The following ABCC11 variants were observed in gnomAD, a reference collection of about 807,000 sequenced individuals.
The protein encoded by ABCC11 is ATP binding cassette subfamily C member 11, also known as ATP-binding cassette sub-family C member 11.
ABCC11 carries 135 observed loss-of-function variants against 149.3 expected under a neutral mutation model. The observed-to-expected ratio is 0.90, with a 90% CI of 0.79 to 1.04. ABCC11 has a LOEUF of 1.04. ABCC11 is among the 50% of genes least tolerant of loss of function. The probability of loss-of-function intolerance (pLI) is 0.00; values close to 1 mark genes in which losing one functional copy is unlikely to be tolerated. For missense variants in ABCC11, 1,680 were observed against 1,722.1 expected (o/e 0.98, Z 0.43); for synonymous variants, 665 against 671.4 (o/e 0.99, Z 0.15).
In ABCC11 at chr16:48,222,851, T is replaced by C. The variant is rs776102015; in HGVS notation, c.544-20A>G. The C allele has an allele frequency of 4.9e-5, 78 of 1,594,176 alleles. No homozygotes were observed. The highest frequency in any genetic ancestry group is 6.1e-5 in the Non-Finnish European group (71 of 1,163,340). On this transcript the variant is annotated intron_variant, in intron 5 of 29. Coordinates refer to ENST00000356608, the MANE Select transcript of ABCC11 (RefSeq NM_001370497.1). The stretch of plus-strand genomic sequence containing the variant: ...CAATATCTACAAGGAAATGGGAGTT[T>C]GGATCATTCAGACCACCCTGCCAGA...
Position 48,167,265 on chromosome 16 carries a change from C to T in ABCC11, c.*9G>A, listed in dbSNP as rs748448566. The T allele has an allele frequency of 2.5e-6, 2 of 802,452 alleles. No individual in the cohort carries two copies. The highest frequency in any genetic ancestry group is 2.3e-6 in the Non-Finnish European group (1 of 438,380). The allele number at this position is 802,452 out of a possible 1,614,324, so 49.7% of individuals were successfully genotyped here. A position where few individuals can be genotyped will look rare whatever the true frequency, so the allele number is the denominator to read the frequency against. On this transcript the variant is annotated 3_prime_UTR_variant, in exon 30 of 30. Coordinates refer to ENST00000356608, the MANE Select transcript of ABCC11 (RefSeq NM_001370497.1). The stretch of plus-strand genomic sequence containing the variant: ...CAGCTGCCAGCCTCCATGAAGTCTC[C>T]ACATCTCCTTATCTCAGTGAAGAAG...
intron 25 of ABCC11, among the ~76,000 whole-genome samples, chr16:48,176,651 A>G (rs1190144887): frequency 6.6e-6 from 1 of 152,132 alleles, no homozygotes; most frequent in Non-Finnish European, 1.5e-5. Flanking sequence ...ATTATTCTGC[A>G]TACCACCCTG....
rs1488112758 is a variant in ABCC11, at chr16:48,166,421, G to C, written c.*853C>G. On this transcript the variant is annotated 3_prime_UTR_variant, in exon 30 of 30. Transcript: ENST00000356608. The stretch of plus-strand genomic sequence containing the variant: ...AAAGGAAAGCAGAGCTAGGAGAAGA[G>C]AAACAGAGACCTCAAAACAGGCATC... 6.6e-6 allele frequency among the ~76,000 whole-genome samples: 1 copy of C among 152,202 alleles called. No homozygotes were observed. The highest frequency in any genetic ancestry group is 1.5e-5 in the Non-Finnish European group (1 of 68,046).
rs1320492172 is a variant in ABCC11 at position 48,187,428 on chromosome 16, C to T, written c.2707-1G>A. Reference sequence around the variant, plus strand: ...AGAAACTCATGGGGCAGCGGAAAACCTGCAGGGACAAAATCAACGCAGACC... The same window carrying T: ...AGAAACTCATGGGGCAGCGGAAAACTTGCAGGGACAAAATCAACGCAGACC... On this transcript the variant is annotated splice_acceptor_variant, in intron 20 of 29. Coordinates refer to ENST00000356608, the MANE Select transcript of ABCC11 (RefSeq NM_001370497.1). LOFTEE classifies it high-confidence loss of function. 2 of 1,608,112 alleles carry T rather than the reference C, an allele frequency of 1.2e-6. No individual in the cohort carries two copies. Among genetic ancestry groups the T allele is most frequent in the African/African-American group, 2.7e-5 (2 of 74,654 alleles).
chr16:48,167,480 A>C lies in ABCC11; in HGVS notation c.4056+16T>G. On this transcript the variant is annotated intron_variant, in intron 29 of 29. Coordinates refer to ENST00000356608, the MANE Select transcript of ABCC11 (RefSeq NM_001370497.1). ...GAGCCCTCATCCTCCCACCAGCCCA[A>C]GGACGCAGCCTTCACCTTCCCATTG... 6.2e-7 allele frequency: 1 copy of C among 1,613,750 alleles called. No homozygotes were observed. The highest frequency in any genetic ancestry group is 8.5e-7 in the Non-Finnish European group (1 of 1,179,704).
intron 28 of ABCC11, among the ~76,000 whole-genome samples, chr16:48,167,982 G>A (rs763380954): frequency 1.1e-4 from 16 of 152,142 alleles, no homozygotes; most frequent in Non-Finnish European, 1.8e-4. Context: ...AAAGTAGAGC[G>A]GTGTTCTCCA....
intron 23 of ABCC11, among the ~76,000 whole-genome samples, chr16:48,183,288 G>A (rs749715402): frequency 1.3e-5 from 2 of 152,248 alleles, no homozygotes; most frequent in African/African-American, 2.4e-5. Context: ...GCCGGCCTCA[G>A]GCCTTGGGGC....
chr16:48,185,226 A>G (rs1966684048), intron 22 of ABCC11, among the ~76,000 whole-genome samples: 1 of 152,236 alleles, frequency 6.6e-6, no homozygotes, highest in Admixed American at 6.5e-5. Flanking sequence ...GATTTAATGA[A>G]CATCTGTATA....
chr16:48,216,190 C>T lies in ABCC11; in HGVS notation c.875G>A (p.Ser292Asn). Residue 292 changes from serine (S) to asparagine (N), a missense_variant, in exon 7 of 30, where the codon AGC becomes AAC. Transcript: ENST00000356608. Reference sequence around the variant, plus strand: ...TCCAATAATGAAGTAGGAAGAAATGCTGCAGATGACCAGCGATGCGCAGGT... The same window carrying T: ...TCCAATAATGAAGTAGGAAGAAATGTTGCAGATGACCAGCGATGCGCAGGT... ...LITCASLVICSISSYFIIGYT... is the reference protein window; with the variant it reads ...LITCASLVICNISSYFIIGYT... 1 of 1,614,186 alleles carries T rather than the reference C, an allele frequency of 6.2e-7. No homozygotes were observed. The highest frequency in any genetic ancestry group is 1.1e-5 in the South Asian group (1 of 91,084).
rs1212264764 is a variant in ABCC11, at chr16:48,170,938, G to C, written c.3728C>G (p.Thr1243Ser). Residue 1243 changes from threonine to serine, a missense_variant, in exon 27 of 30, where the codon ACT becomes AGT. By Grantham distance (58) the Thr-to-Ser change is moderately conservative. Transcript: ENST00000356608. ...CAAGGCATCCCAGATCTGCTGGTCAGTGTGACGGTCAAAGGGATCTAGGTT... is the reference window on the plus strand; with the variant it reads ...CAAGGCATCCCAGATCTGCTGGTCACTGTGACGGTCAAAGGGATCTAGGTT... Reference protein sequence around the residue: ...RFNLDPFDRHTDQQIWDALER... With the variant: ...RFNLDPFDRHSDQQIWDALER... 6.2e-7 allele frequency: 1 copy of C among 1,613,990 alleles called. No homozygotes were observed. The highest frequency in any genetic ancestry group is 8.5e-7 in the Non-Finnish European group (1 of 1,179,826).
rs1967050406 is a variant in ABCC11 at position 48,192,845 on chromosome 16, C to T, written c.2509-128G>A. On this transcript the variant is annotated intron_variant, in intron 19 of 29. Transcript: ENST00000356608. Reference sequence around the variant, plus strand: ...AGGTGAAGCTGTTTGCCCAAACCTCCCTGCTCAGCGCTTGGCTACTCTCTT... The same window carrying T: ...AGGTGAAGCTGTTTGCCCAAACCTCTCTGCTCAGCGCTTGGCTACTCTCTT... The T allele has an allele frequency of 5.6e-6, 5 of 893,462 alleles. No homozygotes were observed. The South Asian group carries it at 6.1e-5, about 11-fold the overall frequency. The allele number at this position is 893,462 out of a possible 1,614,324, so 55.3% of individuals were successfully genotyped here.
chr16:48,228,601 G>GAA lies in ABCC11; in HGVS notation c.237-639_237-638dup, dbSNP rs111350474. Among the ~76,000 whole-genome samples the GAA allele has an allele frequency of 7.8e-3, 1,137 of 145,118 alleles. 6 individuals carry two copies. Among genetic ancestry groups the GAA allele is most frequent in the Non-Finnish European group, 0.012 (780 of 65,644 alleles). On this transcript the variant is annotated intron_variant, in intron 3 of 29. Coordinates refer to ENST00000356608, the MANE Select transcript of ABCC11 (RefSeq NM_001370497.1). ...GACAGCGCACGACTCCGTCTCAAAA[G>GAA]AAAAAAAAAACTCAGTATTTTTTTC...
At chr16:48,213,583 G>A (rs757367630) in intron 9 of ABCC11, 33 bp from the exon 10 acceptor site, 33 of 1,551,224 alleles carry the variant, frequency 2.1e-5, no homozygotes, top group Middle Eastern at 1.7e-4. Flanking sequence ...GGTGAGGGTC[G>A]TGGCCCTTCC....
intron 23 of ABCC11, among the ~76,000 whole-genome samples, chr16:48,179,453 C>T (rs1204037131): frequency 2.0e-5 from 3 of 152,218 alleles, no homozygotes. Context: ...GGTCTATAAC[C>T]TCCATTACCC....
rs1275833424 is a variant in ABCC11, at chr16:48,166,868, A to G, written c.*406T>C. On this transcript the variant is annotated 3_prime_UTR_variant, in exon 30 of 30. Transcript: ENST00000356608. ...CAACAGAGCAAGACCCTGTCTAAAA[A>G]AACAAAAAGAAAAGAAACGAAAGGA... The G allele has an allele frequency of 1.2e-5, 2 of 166,760 alleles. No individual in the cohort carries two copies. Among genetic ancestry groups the G allele is most frequent in the Non-Finnish European group, 2.6e-5 (2 of 76,594 alleles). 10.3% of individuals were successfully genotyped at this position (166,760 alleles called of 1,614,324 possible).
chr16:48,188,555 C>T (rs1318756122), intron 20 of ABCC11, among the ~76,000 whole-genome samples: 2 of 152,192 alleles, frequency 1.3e-5, no homozygotes, highest in Non-Finnish European at 2.9e-5. Context: ...GGCCATGAGG[C>T]CTTTCGGAGA....
chr16:48,236,125 T>C (rs920789313), intron 1 of ABCC11, among the ~76,000 whole-genome samples: 2 of 152,212 alleles, frequency 1.3e-5, no homozygotes, highest in Admixed American at 6.5e-5. Flanking sequence ...CTTTCTCTGC[T>C]CTTAGGTTTA....
At chr16:48,199,463 A>G (rs1967739486) in intron 15 of ABCC11, among the ~76,000 whole-genome samples, 1 of 152,036 alleles carries the variant, frequency 6.6e-6, no homozygotes, top group Admixed American at 6.6e-5. Context: ...GAAGGGGGAG[A>G]GAAAATAATA....
chr16:48,241,904 T>C (rs1970988518), intron 1 of ABCC11, among the ~76,000 whole-genome samples: 1 of 152,188 alleles, frequency 6.6e-6, no homozygotes, highest in African/African-American at 2.4e-5. Flanking sequence ...TCAAGATGGA[T>C]TAAAGACTTA....
Sources: allele counts gnomAD v4.1 joint callset (sites outside exome capture counted in the v4.1 genomes callset), GRCh38; gene constraint gnomAD v4.1.1; transcripts MANE v1.5; gene names NCBI Gene and HGNC (gene_info 2026-07-23, HGNC 2026-07-21).